UMOD: variants seen among roughly 807,000 people sequenced by gnomAD.
The protein encoded by UMOD is Tamm-Horsfall urinary glycoprotein.
A neutral mutation model predicts 66.0 loss-of-function variants in UMOD; 64 were observed. The ratio of observed to expected loss-of-function variants is 0.97; its 90% CI spans 0.79 to 1.19. UMOD has a LOEUF of 1.19. UMOD is among the 50% of genes most tolerant of loss of function. The pLI is 0.00. For missense variants in UMOD, 764 were observed against 850.9 expected (o/e 0.90, Z 1.27); for synonymous variants, 398 against 352.7 (o/e 1.13, Z -1.44).
intron 7 of UMOD, among the ~76,000 whole-genome samples, chr16:20,338,164 A>G (rs560048387): frequency 3.3e-5 from 5 of 152,252 alleles, no homozygotes; most frequent in Admixed American, 3.3e-4. Context: ...CATAATTCAG[A>G]TCTGGCTCCA....
intron 2 of UMOD, chr16:20,349,680 A>G: frequency 1.4e-6 from 2 of 1,451,182 alleles, no homozygotes; most frequent in South Asian, 1.4e-5. Flanking sequence ...AGCCACATTC[A>G]GAAAAGTAAT....
In UMOD at chr16:20,349,058, G is replaced by A. The variant is rs1473739654; in HGVS notation, c.243C>T (p.Ser81=). The change falls in exon 3 of 11, where the codon AGC becomes AGT. Residue 81 remains serine (S), a synonymous_variant. Coordinates refer to ENST00000396138, the MANE Select transcript of UMOD (RefSeq NM_003361.4). ...IPGAHNCSAN[S]SCVNTPGSFS... ...AGGAGCCTGGCGTGTTTACGCAGCTGCTGTTGGCGGAGCAGTTGTGAGCTC... is the reference window on the plus strand; with the variant it reads ...AGGAGCCTGGCGTGTTTACGCAGCTACTGTTGGCGGAGCAGTTGTGAGCTC... The A allele has an allele frequency of 3.1e-6, 5 of 1,608,554 alleles. 1 individual carries two copies. The South Asian group carries it at 5.6e-5, about 18-fold the overall frequency.
upstream of UMOD, among the ~76,000 whole-genome samples, chr16:20,354,393 C>A (rs1965998915): frequency 6.6e-6 from 1 of 152,178 alleles, no homozygotes; most frequent in Non-Finnish European, 1.5e-5. Flanking sequence ...TTTACAATCC[C>A]ACCAACACTA....
At chr16:20,341,705 C>CA (rs35830321) in intron 6 of UMOD, among the ~76,000 whole-genome samples, 18,672 of 151,972 alleles carry the variant, frequency 0.12, 1,490 homozygotes, top group Non-Finnish European at 0.16. Flanking sequence ...TTCAAGATGG[C>CA]AAAAAAACAA....
chr16:20,353,990 A>G (rs1362286858), upstream of UMOD, among the ~76,000 whole-genome samples: 1 of 152,022 alleles, frequency 6.6e-6, no homozygotes, highest in Non-Finnish European at 1.5e-5. Context: ...CCCACCTGTG[A>G]GTGAGAACAT....
rs1964698734 is a variant in UMOD at position 20,333,470 on chromosome 16, A to T, written c.1862-95T>A. ...CTCGTCTAGGCTGACCAATCAGAAG[A>T]GGACACCCTCTCTGGGCTGCTCTCC... On this transcript the variant is annotated intron_variant, in intron 10 of 10. Transcript: ENST00000396138. 3 of 1,172,284 alleles carry T rather than the reference A, an allele frequency of 2.6e-6. No homozygotes were observed. The South Asian group carries it at 3.9e-5, about 15-fold the overall frequency. The allele number at this position is 1,172,284 out of a possible 1,614,324, so 72.6% of individuals were successfully genotyped here.
At chr16:20,346,968 C>T (rs1408861604) in intron 4 of UMOD, among the ~76,000 whole-genome samples, 1 of 152,226 alleles carries the variant, frequency 6.6e-6, no homozygotes, top group Non-Finnish European at 1.5e-5. Context: ...AGGAGACAGT[C>T]CCAGCTTGCC....
intron 6 of UMOD, among the ~76,000 whole-genome samples, chr16:20,343,609 T>TCTA (rs1272815902): frequency 2.6e-5 from 4 of 152,206 alleles, no homozygotes; most frequent in African/African-American, 7.2e-5. Context: ...CAATCATAGC[T>TCTA]CTAAGCAGCC....
chr16:20,350,733 C>A lies in UMOD; in HGVS notation c.5G>T (p.Gly2Val), dbSNP rs1555487932. 1.9e-6 allele frequency: 3 copies of A among 1,614,142 alleles called. No homozygotes were observed. The highest frequency in any genetic ancestry group is 2.5e-6 in the Non-Finnish European group (3 of 1,180,010). The change falls in exon 2 of 11, where the codon GGG becomes GTG. Residue 2 changes from glycine to valine, a missense_variant. Coordinates refer to ENST00000396138, the MANE Select transcript of UMOD (RefSeq NM_003361.4). ...CAGCATCCAAGTCAGAGATGGCTGC[C>A]CCATCCTTTCTGCTCTTCCCGCTAC... M[G>V]QPSLTWMLMV...
chr16:20,345,470 C>T (rs755981425), intron 5 of UMOD, among the ~76,000 whole-genome samples: 1 of 64,982 alleles, frequency 1.5e-5, no homozygotes, highest in Admixed American at 1.6e-4. Context: ...TTCCTTCCTT[C>T]CTTCCTTCCT....
At chr16:20,335,543 C>A in intron 9 of UMOD, 23 bp from the exon 10 acceptor site, 1 of 1,613,232 alleles carries the variant, frequency 6.2e-7, no homozygotes, top group South Asian at 1.1e-5. Context: ...ACAGAAGGAT[C>A]AGTGAATAAA....
intron 2 of UMOD, among the ~76,000 whole-genome samples, chr16:20,350,400 C>T (rs1965833279): frequency 1.3e-5 from 2 of 152,126 alleles, no homozygotes; most frequent in South Asian, 2.1e-4. Context: ...CGCCTGGAAG[C>T]TTGTTAAAAA....
In UMOD at chr16:20,338,713, C is replaced by T. The variant is rs1460035173; in HGVS notation, c.1578-1260G>A. The stretch of plus-strand genomic sequence containing the variant: ...TTCACCATGTTGACCAGGCTGGTCT[C>T]GAACTCCTGACCTCGTGATCCACCT... On this transcript the variant is annotated intron_variant, in intron 7 of 10. Coordinates refer to ENST00000396138, the MANE Select transcript of UMOD (RefSeq NM_003361.4). 5.3e-5 allele frequency among the ~76,000 whole-genome samples: 8 copies of T among 152,028 alleles called. No individual in the cohort carries two copies. In the East Asian group the frequency reaches 7.7e-4, roughly 15 times the overall value.
At chr16:20,342,810 C>T (rs1965308933) in intron 6 of UMOD, among the ~76,000 whole-genome samples, 1 of 152,162 alleles carries the variant, frequency 6.6e-6, no homozygotes, top group Admixed American at 6.6e-5. Flanking sequence ...GGCTATAATG[C>T]CTGAGATATA....
chr16:20,346,211 C>A lies in UMOD; in HGVS notation c.1097G>T (p.Cys366Phe). 6.2e-7 allele frequency: 1 copy of A among 1,614,142 alleles called. No homozygotes were observed. Among genetic ancestry groups the A allele is most frequent in the East Asian group, 2.2e-5 (1 of 44,900 alleles). ...KVFMYLSDSR[C>F]SGFNDRDNRD... is the part of the protein sequence containing the mutation. ...GTTGTCTCTGTCATTGAAGCCCGAG[C>A]ACCGGCTGTCACTCAGGTACATGAA... The change falls in exon 5 of 11, where the codon TGC becomes TTC. Residue 366 changes from cysteine (C) to phenylalanine (F), a missense_variant. Physicochemically the swap from Cys to Phe is radical, Grantham distance 205 (BLOSUM62 -2). Transcript: ENST00000396138.
chr16:20,345,263 C>G (rs1965476426), intron 5 of UMOD, among the ~76,000 whole-genome samples: 1 of 152,220 alleles, frequency 6.6e-6, no homozygotes, highest in Admixed American at 6.5e-5. Flanking sequence ...ATCCACCCGC[C>G]TCGGCCCCCC....
In UMOD at chr16:20,348,884, C is replaced by T; in HGVS notation, c.417G>A (p.Ala139=). 1 of 1,552,412 alleles carries T rather than the reference C, an allele frequency of 6.4e-7. No individual in the cohort carries two copies. Among genetic ancestry groups the T allele is most frequent in the Non-Finnish European group, 8.7e-7 (1 of 1,148,886 alleles). The change falls in exon 3 of 11, where the codon GCG becomes GCA. Residue 139 remains alanine (A), a synonymous_variant. Transcript: ENST00000396138. The part of the protein sequence containing the change: ...VVGSYLCVCP[A]GYRGDGWHCE... ...AGTGCCATCCATCCCCCCGGTAGCC[C>T]GCGGGGCATACGCACAAGTAGCTGC... is the stretch of plus-strand genomic sequence containing the variant.
chr16:20,349,984 C>T, intron 2 of UMOD: 1 of 1,186,988 alleles, frequency 8.4e-7, no homozygotes, highest in Non-Finnish European at 1.1e-6. Flanking sequence ...TGAATACTTC[C>T]CAAGGGCCTC....
Position 20,343,995 on chromosome 16 carries a change from G to C in UMOD, c.1331+29C>G, listed in dbSNP as rs766671174. On this transcript the variant is annotated intron_variant, in intron 6 of 10. Transcript: ENST00000396138. ...AGGGGTTTGGGGTTAGAACCATCTA[G>C]GGGCCCTAGGGACCCTCTCTGGCCA... 1.9e-6 allele frequency: 3 copies of C among 1,612,518 alleles called. No individual in the cohort carries two copies. In the South Asian group the frequency reaches 3.3e-5, roughly 18 times the overall value.
Sources: gnomAD v4.1 joint callset for allele counts (sites outside exome capture counted in the v4.1 genomes callset) on GRCh38, gnomAD v4.1.1 for gene constraint, MANE v1.5 for transcripts, NCBI Gene and HGNC (gene_info 2026-07-23, HGNC 2026-07-21) for gene names.